NCKAP5: variants seen among roughly 807,000 people sequenced by gnomAD.
The protein encoded by NCKAP5 is NCK associated protein 5, also known as nck-associated protein 5.
In NCKAP5, 92 loss-of-function variants were observed where a neutral mutation model predicts 167.0. The ratio of observed to expected loss-of-function variants is 0.55; its 90% confidence interval spans 0.47 to 0.66. NCKAP5 has a LOEUF of 0.66. Among genes scored for constraint, NCKAP5 ranks in the 30% least tolerant of loss-of-function variants. The pLI, the probability that NCKAP5 is intolerant of heterozygous loss-of-function variation, is 0.00. For missense variants in NCKAP5, 2,378 were observed against 2,315.0 expected, an observed-to-expected ratio of 1.03 and a Z score of -0.56; for synonymous variants, 891 against 877.4, an observed-to-expected ratio of 1.02 and a Z score of -0.27.
At chr2:133,582,055 G>A in the NCKAP5 span, among the ~76,000 whole-genome samples, 1 of 152,174 alleles carries the variant, frequency 6.6e-6, no homozygotes, top group South Asian at 2.1e-4. Flanking sequence ...GCTTAGTGTT[G>A]CAGACACACA....
chr2:132,979,996 C>CTT (rs1273323851), intron 7 of NCKAP5, among the ~76,000 whole-genome samples: 59 of 134,654 alleles, frequency 4.4e-4, no homozygotes, highest in Middle Eastern at 3.8e-3. Flanking sequence ...TTTTCTTTTT[C>CTT]TTTTTTTTTT....
chr2:133,142,783 G>A (rs1002341535), intron 5 of NCKAP5, among the ~76,000 whole-genome samples: 3 of 152,066 alleles, frequency 2.0e-5, no homozygotes, highest in African/African-American at 4.8e-5. Flanking sequence ...AGCCTTTGTC[G>A]CTGTGGACAG....
At position 132,784,977 on chromosome 2, in the gene NCKAP5, T is replaced by A. The variant is rs2105063350; in HGVS notation, c.1834A>T (p.Lys612Ter). 6.2e-7 allele frequency: 1 copy of A among 1,613,676 alleles called. No homozygotes were observed. The highest frequency in any genetic ancestry group is 8.5e-7 in the Non-Finnish European group (1 of 1,179,706). The change falls in exon 14 of 20, where the codon AAG becomes TAG. Residue 612 changes from lysine to a stop codon, truncating the protein, a stop_gained. Transcript: ENST00000409261. LOFTEE classifies it high-confidence loss of function. ...AGGACATCCAGGTTCTCCACGGACT[T>A]ATCGGTGTCGGCAGCCAATGACACG... is the stretch of plus-strand genomic sequence containing the variant. ...SDVSLAADTD[K>*]SVENLDVLVG...
chr2:133,470,323 G>GGGGGCCA (rs1692959393), intron 3 of NCKAP5, among the ~76,000 whole-genome samples: 3 of 152,098 alleles, frequency 2.0e-5, no homozygotes, highest in Admixed American at 6.5e-5. Context: ...TAGGCTGCTC[G>GGGGGCCA]GGGGTCAGGG....
chr2:133,259,732 C>T (rs2088809659), intron 4 of NCKAP5, among the ~76,000 whole-genome samples: 1 of 152,168 alleles, frequency 6.6e-6, no homozygotes, highest in South Asian at 2.1e-4. Flanking sequence ...CTAATCTGAT[C>T]TAAAGTAGAC....
chr2:133,614,502 G>A, the NCKAP5 span, among the ~76,000 whole-genome samples: 1 of 152,084 alleles, frequency 6.6e-6, no homozygotes, highest in Non-Finnish European at 1.5e-5. Flanking sequence ...CGTGAAGAAT[G>A]CAGAAGCCTC....
chr2:133,670,044 G>A, the NCKAP5 span, among the ~76,000 whole-genome samples: 1 of 152,194 alleles, frequency 6.6e-6, no homozygotes, highest in Non-Finnish European at 1.5e-5. Flanking sequence ...AATTGTATGT[G>A]GGATTATAAT....
chr2:132,905,925 G>T (rs959533224), intron 8 of NCKAP5, among the ~76,000 whole-genome samples: 1 of 152,052 alleles, frequency 6.6e-6, no homozygotes, highest in African/African-American at 2.4e-5. Context: ...CATATGAAGG[G>T]ACGCAGCAGA....
At chr2:133,566,594 A>G (rs1688570684) in intron 1 of NCKAP5, among the ~76,000 whole-genome samples, 1 of 152,236 alleles carries the variant, frequency 6.6e-6, no homozygotes, top group Non-Finnish European at 1.5e-5. Flanking sequence ...AAGAAGGCAT[A>G]GGAACCGCGT....
chr2:133,232,120 A>T (rs2087179802), intron 4 of NCKAP5, among the ~76,000 whole-genome samples: 1 of 152,184 alleles, frequency 6.6e-6, no homozygotes, highest in African/African-American at 2.4e-5. Flanking sequence ...AGAAAACAAA[A>T]CCAAAGAGAA....
In NCKAP5 at chr2:132,754,106, CTTGAAATTCTAACAGCTT is replaced by C. The variant is rs1480261473; in HGVS notation, c.5128+19692_5128+19709del. On this transcript the variant is annotated intron_variant, in intron 16 of 19. Transcript: ENST00000409261. The stretch of plus-strand genomic sequence containing the variant: ...GGGCTTTGTGACCTGCTGCTGCTGT[CTTGAAATTCTAACAGCTT>C]TTGAGCAAGATATTCTGCATTTTAT... Among the ~76,000 whole-genome samples the C allele has an allele frequency of 5.9e-5, 9 of 152,282 alleles. No individual in the cohort carries two copies. In the East Asian group the frequency reaches 1.5e-3, roughly 26 times the overall value.
At chr2:133,014,085 C>A (rs1437903) in intron 6 of NCKAP5, among the ~76,000 whole-genome samples, 123,320 of 152,126 alleles carry the variant, frequency 0.81, 50,630 homozygotes, top group African/African-American at 0.94. Context: ...ATAGCAGGTC[C>A]ATCTCTTCAA....
intron 3 of NCKAP5, among the ~76,000 whole-genome samples, chr2:133,369,900 A>C (rs1455780031): frequency 1.3e-5 from 2 of 152,358 alleles, no homozygotes; most frequent in East Asian, 3.9e-4. Context: ...GAAATGATTT[A>C]TCTTCATTCC....
At chr2:133,538,930 G>GT (rs1685978355) in intron 2 of NCKAP5, among the ~76,000 whole-genome samples, 3 of 104,572 alleles carry the variant, frequency 2.9e-5, no homozygotes, top group African/African-American at 1.0e-4. Context: ...GGTTTTTTTG[G>GT]GTTTTTTTTT....
At chr2:132,673,642 T>G (rs1684030562) in intron 19 of NCKAP5, among the ~76,000 whole-genome samples, 2 of 152,336 alleles carry the variant, frequency 1.3e-5, no homozygotes, top group Admixed American at 1.3e-4. Context: ...TTGCTAAGTA[T>G]TAGCTGTACT....
intron 7 of NCKAP5, among the ~76,000 whole-genome samples, chr2:132,987,307 G>A (rs1056996966): frequency 2.6e-5 from 4 of 152,128 alleles, no homozygotes; most frequent in Non-Finnish European, 5.9e-5. Flanking sequence ...ATTATAGTCT[G>A]TGGAATAATA....
chr2:133,280,355 T>A (rs905991421), intron 4 of NCKAP5, among the ~76,000 whole-genome samples: 2 of 152,210 alleles, frequency 1.3e-5, no homozygotes, highest in African/African-American at 4.8e-5. Context: ...ATTGACCCCT[T>A]AACCCTAGCA....
intron 6 of NCKAP5, among the ~76,000 whole-genome samples, chr2:133,120,351 G>A (rs562817598): frequency 1.5e-4 from 23 of 152,234 alleles, no homozygotes; most frequent in East Asian, 3.9e-4. Context: ...TATTTCTCAC[G>A]AATTAAATAA....
chr2:133,234,440 T>C (rs568211560), intron 4 of NCKAP5, among the ~76,000 whole-genome samples: 1 of 152,332 alleles, frequency 6.6e-6, no homozygotes, highest in Admixed American at 6.5e-5. Context: ...ATTAGTTCTC[T>C]GGACCCTGAC....
Sources: allele counts gnomAD v4.1 joint callset (sites outside exome capture counted in the v4.1 genomes callset), GRCh38; gene constraint gnomAD v4.1.1; transcripts MANE v1.5; gene names NCBI Gene and HGNC (gene_info 2026-07-23, HGNC 2026-07-21).